The following MET variants were observed in gnomAD, a reference collection of about 807,000 sequenced individuals.
MET encodes hepatocyte growth factor receptor.
MET carries 48 observed loss-of-function variants against 133.1 expected under a neutral mutation model. That is an observed-to-expected ratio of 0.36 (90% CI 0.29 to 0.46). MET has a LOEUF of 0.46. Ranked by LOEUF, MET falls within the 20% of genes least tolerant of loss-of-function variation. The probability of loss-of-function intolerance (pLI) is 1.00; values close to 1 mark genes in which losing one functional copy is unlikely to be tolerated. For synonymous variants in MET, 628 were observed against 616.5 expected (o/e 1.02, Z -0.28); for missense variants, 1,442 against 1,695.9 (o/e 0.85, Z 2.63).
At position 116,769,621 on chromosome 7, in the gene MET, CTTTTT is replaced by C. The variant is rs57349036; in HGVS notation, c.2584-13_2584-9del. Reference sequence around the variant, plus strand: ...TGCAGAACTGTGAAGTGTTAACAACCTTTTTTTTTTTTTTTCCTTTCAGGGAAATG... The same window carrying C: ...TGCAGAACTGTGAAGTGTTAACAACCTTTTTTTTTTCCTTTCAGGGAAATG... On this transcript the variant is annotated intron_variant, in intron 11 of 20. Coordinates refer to ENST00000397752, the MANE Select transcript of MET (RefSeq NM_000245.4). 8 of 1,518,728 alleles carry C rather than the reference CTTTTT, an allele frequency of 5.3e-6. No homozygotes were observed. Among genetic ancestry groups the C allele is most frequent in the Admixed American group, 3.5e-5 (2 of 56,740 alleles). 94.1% of individuals were successfully genotyped at this position (1,518,728 alleles called of 1,614,324 possible). A position where few individuals can be genotyped will look rare whatever the true frequency, so the allele number is the denominator to read the frequency against.
intron 8 of MET, 142 bp downstream of exon 8, chr7:116,757,916 C>T (rs1440277517): frequency 1.1e-6 from 1 of 914,320 alleles, no homozygotes; most frequent in African/African-American, 1.7e-5. Flanking sequence ...GACAAAACTT[C>T]CTCCTTCCAA....
At chr7:116,714,601 G>A (rs553631537) in intron 2 of MET, among the ~76,000 whole-genome samples, 5 of 152,244 alleles carry the variant, frequency 3.3e-5, no homozygotes, top group African/African-American at 4.8e-5. Context: ...TCAATCTTTT[G>A]TCTCCCTATG....
chr7:116,718,096 A>C (rs923736003), intron 2 of MET, among the ~76,000 whole-genome samples: 7 of 152,196 alleles, frequency 4.6e-5, no homozygotes, highest in Non-Finnish European at 1.0e-4. Flanking sequence ...TTAAAAAATA[A>C]TAAAACAGGA....
chr7:116,749,198 G>A (rs377273708), intron 5 of MET, among the ~76,000 whole-genome samples: 22 of 152,058 alleles, frequency 1.4e-4, no homozygotes, highest in East Asian at 5.8e-4. Flanking sequence ...ACATCGATGT[G>A]AACATCCTCA....
chr7:116,774,750 T>A (rs1454113950), intron 14 of MET, 131 bp from the exon 15 acceptor site: 1 of 713,634 alleles, frequency 1.4e-6, no homozygotes, highest in East Asian at 2.7e-5. Context: ...CTTGTATATA[T>A]AACTTAGTAT....
chr7:116,690,230 G>C (rs1421928126), intron 1 of MET, among the ~76,000 whole-genome samples: 4 of 152,098 alleles, frequency 2.6e-5, no homozygotes, highest in Non-Finnish European at 5.9e-5. Context: ...CATAACTGAA[G>C]GACAGTGTTT....
At chr7:116,675,667 G>A (rs1796131788) in intron 1 of MET, among the ~76,000 whole-genome samples, 1 of 151,896 alleles carries the variant, frequency 6.6e-6, no homozygotes, top group Non-Finnish European at 1.5e-5. Context: ...GCATCATTAG[G>A]GATGCTTAAG....
intron 19 of MET, among the ~76,000 whole-genome samples, chr7:116,783,940 T>A (rs554475336): frequency 2.5e-4 from 38 of 152,344 alleles, no homozygotes; most frequent in Non-Finnish European, 3.8e-4. Flanking sequence ...GCAAAGGCCA[T>A]CCTTCTTGCG....
rs1324314215 is a variant in MET at position 116,672,411 on chromosome 7, G to A, written c.-181G>A. 1.8e-5 allele frequency: 7 copies of A among 389,392 alleles called. No homozygotes were observed. The highest frequency in any genetic ancestry group is 3.2e-5 in the Non-Finnish European group (7 of 220,184). The allele number at this position is 389,392 out of a possible 1,614,324, so 24.1% of individuals were successfully genotyped here. A position where few individuals can be genotyped will look rare whatever the true frequency, so the allele number is the denominator to read the frequency against. ...GGCCGCAGGTGACCCGGAGGCCCTCGCCGCCCGCGGCGCCCCGAGCGCTTT... is the reference window on the plus strand; with the variant it reads ...GGCCGCAGGTGACCCGGAGGCCCTCACCGCCCGCGGCGCCCCGAGCGCTTT... On this transcript the variant is annotated 5_prime_UTR_variant, in exon 1 of 21. Transcript: ENST00000397752.
At chr7:116,716,291 GA>G (rs1792194270) in intron 2 of MET, among the ~76,000 whole-genome samples, 4 of 60,934 alleles carry the variant, frequency 6.6e-5, no homozygotes, top group African/African-American at 3.2e-4. Flanking sequence ...GAGGGAGAGA[GA>G]GAGAGAGAGA....
intron 18 of MET, 126 bp from the exon 19 acceptor site, chr7:116,783,178 T>G (rs1472200730): frequency 1.8e-6 from 2 of 1,118,552 alleles, no homozygotes. Context: ...AGAGGCCAGA[T>G]GAAATACTTC....
At position 116,695,011 on chromosome 7, in the gene MET, A is replaced by G. The variant is rs547975148; in HGVS notation, c.-14-4060A>G. Among the ~76,000 whole-genome samples the G allele has an allele frequency of 3.6e-4, 55 of 152,298 alleles. 1 individual carries two copies. The South Asian group carries it at 0.011, about 30-fold the overall frequency. ...AAGCCTAGAAGAAAAAATGTCATTC[A>G]CACTTCACACTGCATTAATGGACAT... On this transcript the variant is annotated intron_variant, in intron 1 of 20. Transcript: ENST00000397752.
chr7:116,702,113 C>T lies in MET; in HGVS notation c.1200+1829C>T, dbSNP rs200644032. ...TTTTTAGTGTTCCAAGGGAGACAAACAGACAGGATTAGCCAATGAAATTCA... is the reference window on the plus strand; with the variant it reads ...TTTTTAGTGTTCCAAGGGAGACAAATAGACAGGATTAGCCAATGAAATTCA... On this transcript the variant is annotated intron_variant, in intron 2 of 20. Transcript: ENST00000397752. 5.9e-5 allele frequency among the ~76,000 whole-genome samples: 9 copies of T among 152,158 alleles called. No individual in the cohort carries two copies. The East Asian group carries it at 1.5e-3, about 26-fold the overall frequency.
chr7:116,775,853 G>A (rs1271328491), intron 15 of MET, among the ~76,000 whole-genome samples: 1 of 152,182 alleles, frequency 6.6e-6, no homozygotes, highest in Non-Finnish European at 1.5e-5. Flanking sequence ...CTGCTGGACA[G>A]CATCAGAAGA....
chr7:116,770,014 T>G (rs1794781814), intron 12 of MET: 1 of 610,002 alleles, frequency 1.6e-6, no homozygotes, highest in African/African-American at 1.9e-5. Flanking sequence ...CTACCCACAC[T>G]GCTTCTCCAT....
At chr7:116,773,568 T>C (rs1432224890) in intron 14 of MET, among the ~76,000 whole-genome samples, 4 of 152,190 alleles carry the variant, frequency 2.6e-5, no homozygotes, top group Admixed American at 2.6e-4. Flanking sequence ...TGATTGGCAT[T>C]CCCAATCCCC....
chr7:116,730,382 G>T (rs904896510), intron 2 of MET, among the ~76,000 whole-genome samples: 11 of 152,174 alleles, frequency 7.2e-5, no homozygotes, highest in Non-Finnish European at 1.0e-4. Flanking sequence ...AAAAAATGTT[G>T]TTCTTTATCC....
intron 3 of MET, among the ~76,000 whole-genome samples, chr7:116,732,513 G>C (rs1793051777): frequency 6.6e-6 from 1 of 152,156 alleles, no homozygotes; most frequent in African/African-American, 2.4e-5. Context: ...GAAATTAAAA[G>C]ACTCTCTTGT....
chr7:116,717,787 T>A lies in MET; in HGVS notation c.1201-13881T>A, dbSNP rs536395126. ...CACTATTTTAAATATATCACATTCT[T>A]AATTACACTGAATTAAATATAATTA... On this transcript the variant is annotated intron_variant, in intron 2 of 20. Transcript: ENST00000397752. Among the ~76,000 whole-genome samples the A allele has an allele frequency of 2.0e-4, 31 of 152,336 alleles. 1 individual carries two copies. Among genetic ancestry groups the A allele is most frequent in the African/African-American group, 7.5e-4 (31 of 41,590 alleles).
Sources: allele counts gnomAD v4.1 joint callset (sites outside exome capture counted in the v4.1 genomes callset), GRCh38; gene constraint gnomAD v4.1.1; transcripts MANE v1.5; gene names NCBI Gene and HGNC (gene_info 2026-07-23, HGNC 2026-07-21).